The following PPP6R1 variants were observed in gnomAD, a reference collection of about 807,000 sequenced individuals.
PPP6R1 encodes serine/threonine-protein phosphatase 6 regulatory subunit 1.
PPP6R1 carries 39 observed loss-of-function variants against 104.6 expected under a neutral mutation model. The observed-to-expected ratio is 0.37, with a 90% CI of 0.29 to 0.49. PPP6R1 has a LOEUF of 0.49. Among genes scored for constraint, PPP6R1 ranks in the 20% least tolerant of loss-of-function variants. PPP6R1 has a pLI of 0.98. For synonymous variants in PPP6R1, 549 were observed against 479.0 expected, an observed-to-expected ratio of 1.15 and a Z score of -1.91; for missense variants, 1,181 against 1,155.8, an observed-to-expected ratio of 1.02 and a Z score of -0.32.
At chr19:55,233,768 A>T (rs1482486393) in intron 17 of PPP6R1, among the ~76,000 whole-genome samples, 1 of 152,250 alleles carries the variant, frequency 6.6e-6, no homozygotes, top group Admixed American at 6.5e-5. Flanking sequence ...AACATTGTTG[A>T]AAGAAATTTT....
intron 1 of PPP6R1, among the ~76,000 whole-genome samples, chr19:55,250,639 T>C (rs1169777297): frequency 6.6e-6 from 1 of 152,188 alleles, no homozygotes; most frequent in Non-Finnish European, 1.5e-5. Flanking sequence ...TGGAGGGCTG[T>C]GGTCCTCAGG....
chr19:55,242,565 CATG>C, intron 5 of PPP6R1, 77 bp from the exon 6 acceptor site: 1 of 1,236,754 alleles, frequency 8.1e-7, no homozygotes, highest in Non-Finnish European at 1.2e-6. Flanking sequence ...GAGCCCCTCC[CATG>C]AGCTGACCAT....
At chr19:55,247,167 C>G (rs11880346) in intron 1 of PPP6R1, 58 bp from the exon 2 acceptor site, 17,977 of 1,545,216 alleles carry the variant, frequency 0.012, 419 homozygotes, top group African/African-American at 0.09. Context: ...CCCCACTGGA[C>G]GAGGCACTGA....
chr19:55,245,353 T>C lies in PPP6R1; in HGVS notation c.464A>G (p.Gln155Arg), dbSNP rs752743877. 3.1e-6 allele frequency: 5 copies of C among 1,612,894 alleles called. No individual in the cohort carries two copies. In the South Asian group the frequency reaches 4.4e-5, roughly 14 times the overall value. The change falls in exon 4 of 24, where the codon CAG (glutamine) becomes CGG (arginine). Residue 155 changes from glutamine (Q) to arginine (R), a missense_variant. Physicochemically the swap from Gln to Arg is conservative, Grantham distance 43. Transcript: ENST00000412770. The surrounding 1 kb of genome is among the most constrained non-coding windows in gnomAD (Gnocchi z 6.4). ...KKDDFVDLLL[Q>R]HIGTSAIMDL... ...CATGATGGCCGAGGTGCCAATGTGC[T>C]GCAGCAGCAGGTCCACGAAGTCATC...
intron 17 of PPP6R1, among the ~76,000 whole-genome samples, chr19:55,235,094 CAA>C (rs2087384524): frequency 6.6e-6 from 1 of 151,778 alleles, no homozygotes; most frequent in South Asian, 2.1e-4. Flanking sequence ...ATTCCGAAAT[CAA>C]AAGTCATGAG....
intron 1 of PPP6R1, among the ~76,000 whole-genome samples, chr19:55,248,125 A>G (rs1263746492): frequency 2.6e-5 from 4 of 152,228 alleles, no homozygotes; most frequent in African/African-American, 9.6e-5. Flanking sequence ...ACTGCTCCGC[A>G]GAGCCCTAGA....
chr19:55,239,411 C>A lies in PPP6R1; in HGVS notation c.1745G>T (p.Ser582Ile), dbSNP rs372308305. Residue 582 changes from serine to isoleucine, a missense_variant, in exon 15 of 24, where the codon AGT becomes ATT. Physicochemically the swap from Ser to Ile is moderately radical, Grantham distance 142. Transcript: ENST00000412770. The stretch of plus-strand genomic sequence containing the variant: ...CTGCGCAGGAGACACTCACTTCACA[C>A]TCTCCTCCTGCTCCCCAAACTCCTC... ...NDEEFGEQEE[S>I]VNAPFDKTAN... is the part of the protein sequence containing the mutation. The A allele has an allele frequency of 4.3e-6, 7 of 1,613,250 alleles. No homozygotes were observed. Among genetic ancestry groups the A allele is most frequent in the Non-Finnish European group, 5.9e-6 (7 of 1,179,380 alleles).
intron 17 of PPP6R1, chr19:55,233,262 A>G (rs1227989057): frequency 6.6e-6 from 1 of 152,204 alleles, no homozygotes; most frequent in Non-Finnish European, 1.5e-5. Flanking sequence ...GTTAAAAGTA[A>G]ACTAAAATAC....
rs990724193 is a variant in PPP6R1, at chr19:55,246,733, C to T, written c.227+144G>A. 2.4e-5 allele frequency: 20 copies of T among 820,878 alleles called. No homozygotes were observed. In the African/African-American group the frequency reaches 2.8e-4, roughly 11 times the overall value. The allele number at this position is 820,878 out of a possible 1,614,324, so 50.8% of individuals were successfully genotyped here. On this transcript the variant is annotated intron_variant, in intron 2 of 23. Coordinates refer to ENST00000412770, the MANE Select transcript of PPP6R1 (RefSeq NM_014931.4). ...TGAGCTGTGAGGCCTTGTGCAGGAGCCTGGCTGCTCCCAGCCTCGTCTTCC... is the reference window on the plus strand; with the variant it reads ...TGAGCTGTGAGGCCTTGTGCAGGAGTCTGGCTGCTCCCAGCCTCGTCTTCC...
chr19:55,236,855 C>T, intron 16 of PPP6R1, 34 bp from the exon 17 acceptor site: 1 of 1,613,590 alleles, frequency 6.2e-7, no homozygotes, highest in East Asian at 2.2e-5. Context: ...ATGGGCCACA[C>T]TGCCCACAGC....
chr19:55,230,833 G>T lies in PPP6R1; in HGVS notation c.2511C>A (p.Pro837=). ...TCTTCTCCCCTTCTGTGGTCTGGGG[G>T]GGCTGGTGGGCCCCGGAGGCTGGGA... The part of the protein sequence containing the change: ...TSVPASGAHQ[P]PQTTEGEKSP... The change falls in exon 22 of 24, where the codon CCC becomes CCA. Residue 837 remains proline, a synonymous_variant. Transcript: ENST00000412770. The T allele has an allele frequency of 6.2e-7, 1 of 1,606,808 alleles. No individual in the cohort carries two copies. The highest frequency in any genetic ancestry group is 8.5e-7 in the Non-Finnish European group (1 of 1,179,544).
chr19:55,232,496 C>T (rs898778026), intron 17 of PPP6R1: 7 of 429,262 alleles, frequency 1.6e-5, no homozygotes, highest in Middle Eastern at 5.9e-4. Context: ...TGGGCTGAGC[C>T]TCAGCCATGG....
intron 15 of PPP6R1, among the ~76,000 whole-genome samples, chr19:55,238,162 A>G (rs1223381825): frequency 6.6e-6 from 1 of 151,554 alleles, no homozygotes; most frequent in African/African-American, 2.4e-5. Flanking sequence ...CGGCCTCCCT[A>G]AGTGCTGGGA....
chr19:55,240,556 CATGCATGCACTAACGG>C (rs1288028520), intron 10 of PPP6R1, among the ~76,000 whole-genome samples: 2 of 147,936 alleles, frequency 1.4e-5, no homozygotes, highest in Non-Finnish European at 3.0e-5. Context: ...CACACACACA[CATGCATGCACTAACGG>C]ACACACACAT....
chr19:55,234,656 C>T (rs949223087), intron 17 of PPP6R1, among the ~76,000 whole-genome samples: 9 of 104,400 alleles, frequency 8.6e-5, no homozygotes, highest in Non-Finnish European at 1.8e-4. Context: ...GCACTCACAG[C>T]GGCTGCACTC....
Position 55,245,090 on chromosome 19 carries a change from G to T in PPP6R1, c.618+30C>A. The T allele has an allele frequency of 6.2e-7, 1 of 1,610,508 alleles. No homozygotes were observed. Among genetic ancestry groups the T allele is most frequent in the East Asian group, 2.2e-5 (1 of 44,796 alleles). On this transcript the variant is annotated intron_variant, in intron 5 of 23. Transcript: ENST00000412770. The surrounding 1 kb of genome is among the most constrained non-coding windows in gnomAD (Gnocchi z 6.4). ...TGGGCATGGGGAAGGAACTCTAAGG[G>T]GAATCCGCAGGGGCATCGGCAGCAC...
intron 17 of PPP6R1, among the ~76,000 whole-genome samples, chr19:55,234,294 G>A (rs2087375230): frequency 6.6e-6 from 1 of 152,218 alleles, no homozygotes; most frequent in Non-Finnish European, 1.5e-5. Context: ...AACCAGGCCA[G>A]TGTGGTACTG....
At chr19:55,252,870 T>G (rs1214505354) in intron 1 of PPP6R1, among the ~76,000 whole-genome samples, 1 of 151,688 alleles carries the variant, frequency 6.6e-6, no homozygotes, top group Non-Finnish European at 1.5e-5. Flanking sequence ...GTACAGAATA[T>G]CTCAATAAAA....
In PPP6R1 at chr19:55,230,458, C is replaced by G; in HGVS notation, c.*70G>C. ...AGGGCAATGGGGGCCATCGTGGGACCCGCCCTGCCCCCACCCCGGGAGATC... is the reference window on the plus strand; with the variant it reads ...AGGGCAATGGGGGCCATCGTGGGACGCGCCCTGCCCCCACCCCGGGAGATC... On this transcript the variant is annotated 3_prime_UTR_variant, in exon 24 of 24. Transcript: ENST00000412770. 1.9e-6 allele frequency: 3 copies of G among 1,602,484 alleles called. No individual in the cohort carries two copies. The highest frequency in any genetic ancestry group is 2.6e-6 in the Non-Finnish European group (3 of 1,173,146).
Sources: gnomAD v4.1 joint callset for allele counts (sites outside exome capture counted in the v4.1 genomes callset) on GRCh38, gnomAD v4.1.1 for gene constraint, Gnocchi (gnomAD v3.1) non-coding constraint, MANE v1.5 for transcripts, NCBI Gene and HGNC (gene_info 2026-07-23, HGNC 2026-07-21) for gene names.